EYS: variants seen among roughly 807,000 people sequenced by gnomAD.
EYS encodes protein eyes shut homolog.
A neutral mutation model predicts 282.1 loss-of-function variants in EYS; 250 were observed. The ratio of observed to expected loss-of-function variants is 0.89; its 90% CI spans 0.80 to 0.98. The LOEUF (loss-of-function observed/expected upper bound fraction) is 0.98, where lower values mean the gene tolerates loss of function less well. Among genes scored for constraint, EYS ranks in the 50% least tolerant of loss-of-function variants. EYS has a pLI of 0.00. For missense variants in EYS, 4,016 were observed against 3,709.0 expected (o/e 1.08, Z -2.15); for synonymous variants, 1,355 against 1,282.9 (o/e 1.06, Z -1.20).
At chr6:65,295,712 A>C (rs1029207281) in intron 12 of EYS, 151 bp downstream of exon 12, 90 of 577,228 alleles carry the variant, frequency 1.6e-4, no homozygotes, top group Admixed American at 4.4e-4. Context: ...ATTCAAGTGA[A>C]TGCATTTTTT....
intron 27 of EYS, among the ~76,000 whole-genome samples, chr6:64,437,079 G>A (rs1774775293): frequency 6.7e-6 from 1 of 150,348 alleles, no homozygotes; most frequent in Admixed American, 6.7e-5. Flanking sequence ...TAAAGATAAT[G>A]CTATATATTT....
chr6:65,325,402 C>A (rs1582143228), intron 11 of EYS, among the ~76,000 whole-genome samples: 1 of 152,072 alleles, frequency 6.6e-6, no homozygotes, highest in East Asian at 1.9e-4. Flanking sequence ...TTTAATCTCC[C>A]TTAAGGTAGG....
intron 37 of EYS, among the ~76,000 whole-genome samples, chr6:63,794,350 C>T (rs918941872): frequency 6.6e-6 from 1 of 152,104 alleles, no homozygotes; most frequent in African/African-American, 2.4e-5. Flanking sequence ...CCTCTTGGGT[C>T]GGGAACAGAA....
intron 12 of EYS, among the ~76,000 whole-genome samples, chr6:65,218,465 C>T (rs1257137756): frequency 2.0e-5 from 3 of 152,048 alleles, no homozygotes; most frequent in Admixed American, 2.0e-4. Flanking sequence ...ATGTGAGTTT[C>T]TTCAGCAAAA....
At chr6:64,399,090 T>G (rs540426174) in intron 28 of EYS, among the ~76,000 whole-genome samples, 10 of 151,958 alleles carry the variant, frequency 6.6e-5, no homozygotes, top group African/African-American at 2.2e-4. Context: ...GATATTAAAA[T>G]AGCAACAATA....
chr6:65,692,344 CT>C (rs1175736787), intron 1 of EYS, among the ~76,000 whole-genome samples: 4 of 150,064 alleles, frequency 2.7e-5, no homozygotes, highest in Non-Finnish European at 5.9e-5. Context: ...AAGGAGTGAA[CT>C]TCACCACTGT....
chr6:64,839,521 A>AGTT (rs951455368), intron 19 of EYS, among the ~76,000 whole-genome samples: 1 of 151,956 alleles, frequency 6.6e-6, no homozygotes, highest in Non-Finnish European at 1.5e-5. Context: ...TAACATAGAG[A>AGTT]GTTGTATTTA....
At chr6:64,253,768 G>A (rs1047181269) in intron 30 of EYS, among the ~76,000 whole-genome samples, 2 of 152,030 alleles carry the variant, frequency 1.3e-5, no homozygotes, top group African/African-American at 4.8e-5. Context: ...TTATTCTCAA[G>A]GGGACAGGCT....
intron 29 of EYS, among the ~76,000 whole-genome samples, chr6:64,344,695 C>A (rs1479836502): frequency 6.6e-6 from 1 of 151,962 alleles, no homozygotes; most frequent in Non-Finnish European, 1.5e-5. Flanking sequence ...GAAGTTCTGG[C>A]CAGGGCAATC....
intron 5 of EYS, among the ~76,000 whole-genome samples, chr6:65,438,531 T>A (rs371004546): frequency 1.3e-5 from 2 of 152,196 alleles, no homozygotes; most frequent in South Asian, 2.1e-4. Flanking sequence ...GTTTCCTGAC[T>A]TTTTAATGAT....
intron 35 of EYS, among the ~76,000 whole-genome samples, chr6:63,964,685 T>G (rs758628635): frequency 2.2e-4 from 34 of 152,200 alleles, no homozygotes; most frequent in Non-Finnish European, 4.3e-4. Context: ...AGTCACAGTA[T>G]AAATCAGAAC....
At chr6:64,349,374 C>A (rs1771531750) in intron 29 of EYS, among the ~76,000 whole-genome samples, 1 of 151,102 alleles carries the variant, frequency 6.6e-6, no homozygotes, top group Non-Finnish European at 1.5e-5. Context: ...TGTATCAACT[C>A]CTATATGATT....
intron 12 of EYS, among the ~76,000 whole-genome samples, chr6:65,099,592 T>C (rs1774836530): frequency 6.6e-6 from 1 of 150,536 alleles, no homozygotes; most frequent in Admixed American, 6.6e-5. Flanking sequence ...AATAAAGAAT[T>C]TTGACTCAAA....
chr6:64,322,816 T>C (rs570004203), intron 29 of EYS, among the ~76,000 whole-genome samples: 1 of 152,206 alleles, frequency 6.6e-6, no homozygotes, highest in African/African-American at 2.4e-5. Context: ...TATTATTTCT[T>C]CACTGCAGAA....
chr6:65,598,244 C>G lies in EYS; in HGVS notation c.-333+41534G>C, dbSNP rs1427386226. ...AAGACCCTCCTCCCCACCCACCCCCCCCCCAAAAAAAAAAACAAAAACTTT... is the reference window on the plus strand; with the variant it reads ...AAGACCCTCCTCCCCACCCACCCCCGCCCCAAAAAAAAAAACAAAAACTTT... On this transcript the variant is annotated intron_variant, in intron 2 of 42. Transcript: ENST00000503581. 1.3e-4 allele frequency among the ~76,000 whole-genome samples: 12 copies of G among 89,922 alleles called. 2 individuals are homozygous for G. The highest frequency in any genetic ancestry group is 2.1e-4 in the Non-Finnish European group (10 of 47,274). 59.0% of individuals were successfully genotyped at this position (89,922 alleles called of 152,430 possible).
At chr6:65,414,819 C>T (rs1767169392) in intron 5 of EYS, among the ~76,000 whole-genome samples, 1 of 151,762 alleles carries the variant, frequency 6.6e-6, no homozygotes, top group Non-Finnish European at 1.5e-5. Context: ...TATTTAAAGC[C>T]AAGAGAACAG....
At chr6:65,470,876 G>T (rs752558432) in intron 5 of EYS, among the ~76,000 whole-genome samples, 7 of 151,902 alleles carry the variant, frequency 4.6e-5, no homozygotes, top group Non-Finnish European at 1.0e-4. Flanking sequence ...TAAAGGTGAA[G>T]CTATAAAAAA....
intron 26 of EYS, among the ~76,000 whole-genome samples, chr6:64,506,670 T>G (rs1055742190): frequency 1.3e-5 from 2 of 152,030 alleles, no homozygotes; most frequent in Non-Finnish European, 2.9e-5. Context: ...CCCAGCACGT[T>G]GGGAGGCCGA....
chr6:63,876,208 T>C (rs1331044909), intron 35 of EYS, among the ~76,000 whole-genome samples: 1 of 152,236 alleles, frequency 6.6e-6, no homozygotes, highest in Non-Finnish European at 1.5e-5. Context: ...CATCTTTATT[T>C]CTGCCTTCAT....
Sources: allele counts gnomAD v4.1 joint callset (sites outside exome capture counted in the v4.1 genomes callset), GRCh38; gene constraint gnomAD v4.1.1; transcripts MANE v1.5; gene names NCBI Gene and HGNC (gene_info 2026-07-23, HGNC 2026-07-21).